The following IL15RA variants were observed in gnomAD, a reference collection of about 807,000 sequenced individuals.
The protein encoded by IL15RA is interleukin-15 receptor subunit alpha.
In IL15RA, 26 loss-of-function variants were observed where a neutral mutation model predicts 24.2. That is an observed-to-expected ratio of 1.07 (90% CI 0.79 to 1.49). The LOEUF (loss-of-function observed/expected upper bound fraction) is 1.49, where lower values mean the gene tolerates loss of function less well. Ranked by LOEUF, IL15RA falls within the 40% of genes most tolerant of loss-of-function variation. The pLI, the probability that IL15RA is intolerant of heterozygous loss-of-function variation, is 0.00. For missense variants in IL15RA, 354 were observed against 356.4 expected (o/e 0.99, Z 0.05); for synonymous variants, 166 against 157.6 (o/e 1.05, Z -0.40).
chr10:5,951,222 T>A (rs571464575), downstream of IL15RA, among the ~76,000 whole-genome samples: 1 of 142,738 alleles, frequency 7.0e-6, no homozygotes, highest in Non-Finnish European at 1.5e-5. Context: ...TCCCAGCTAC[T>A]CCAGAGGCTG....
intron 5 of IL15RA, among the ~76,000 whole-genome samples, chr10:5,957,066 T>G (rs1294033073): frequency 2.0e-5 from 3 of 151,654 alleles, no homozygotes; most frequent in Non-Finnish European, 4.4e-5. Flanking sequence ...CTCAAGTGAT[T>G]CTCCTGCCTC....
chr10:5,952,972 C>T lies in IL15RA; in HGVS notation c.*123G>A. The T allele has an allele frequency of 1.3e-6, 1 of 742,198 alleles. No individual in the cohort carries two copies. The highest frequency in any genetic ancestry group is 2.3e-6 in the Non-Finnish European group (1 of 428,604). 46.0% of individuals were successfully genotyped at this position (742,198 alleles called of 1,614,324 possible). The stretch of plus-strand genomic sequence containing the variant: ...GGCAGTCCGTGAGATCCTGCTGGGA[C>T]TTCTGAGAGGCCTGGTGAGCTTGCT... On this transcript the variant is annotated 3_prime_UTR_variant, in exon 7 of 7. Coordinates refer to ENST00000379977, the MANE Select transcript of IL15RA (RefSeq NM_002189.4).
rs1375972557 is a variant in IL15RA at position 5,964,971 on chromosome 10, G to C, written c.284-1130C>G. Among the ~76,000 whole-genome samples, 1 of 152,204 alleles carries C rather than the reference G, an allele frequency of 6.6e-6. No individual in the cohort carries two copies. The highest frequency in any genetic ancestry group is 1.5e-5 in the Non-Finnish European group (1 of 68,032). On this transcript the variant is annotated intron_variant, in intron 2 of 6. Coordinates refer to ENST00000379977, the MANE Select transcript of IL15RA (RefSeq NM_002189.4). This position sits in a 1 kb window ranked among gnomAD's most constrained non-coding sequence, Gnocchi z 5.6. Reference sequence around the variant, plus strand: ...CCTGTGTGACTCGCTCTGTTCTGGGGGAGGAGGCTGAGCTACCACTACCAA... The same window carrying C: ...CCTGTGTGACTCGCTCTGTTCTGGGCGAGGAGGCTGAGCTACCACTACCAA...
rs148036467 is a variant in IL15RA, at chr10:5,959,854, A to G, written c.584-68T>C. On this transcript the variant is annotated intron_variant, in intron 4 of 6. Transcript: ENST00000379977. The surrounding 1 kb of genome is among the most constrained non-coding windows in gnomAD (Gnocchi z 4.1). ...GTCCTAGTTCCTCATGAAGCAGGAG[A>G]AAATCTGCATGGCTTGGCTCCCATC... The G allele has an allele frequency of 2.2e-4, 333 of 1,484,910 alleles. 4 individuals are homozygous for G. The East Asian group carries it at 7.5e-3, about 33-fold the overall frequency. The allele number at this position is 1,484,910 out of a possible 1,614,324, so 92.0% of individuals were successfully genotyped here. A position where few individuals can be genotyped will look rare whatever the true frequency, so the allele number is the denominator to read the frequency against.
chr10:5,968,611 C>G lies in IL15RA; in HGVS notation c.89-2272G>C. ...ATGGTTACCTGCAGAGCCCCACTGG[C>G]TTTGAGGCCTCTGGTGCTATCTGGT... On this transcript the variant is annotated intron_variant, in intron 1 of 6. Transcript: ENST00000379977. The surrounding 1 kb of genome is among the most constrained non-coding windows in gnomAD (Gnocchi z 5.4). 1.7e-6 allele frequency: 1 copy of G among 596,184 alleles called. No individual in the cohort carries two copies. Among genetic ancestry groups the G allele is most frequent in the South Asian group, 2.0e-5 (1 of 49,316 alleles). 36.9% of individuals were successfully genotyped at this position (596,184 alleles called of 1,614,324 possible). A position where few individuals can be genotyped will look rare whatever the true frequency, so the allele number is the denominator to read the frequency against.
chr10:5,950,997 C>T (rs1431100741), downstream of IL15RA, among the ~76,000 whole-genome samples: 11 of 151,822 alleles, frequency 7.2e-5, no homozygotes, highest in African/African-American at 2.2e-4. The surrounding 1 kb of genome is among the most constrained non-coding windows in gnomAD (Gnocchi z 5.6). Flanking sequence ...AAAAATTAGG[C>T]GGGCATGGTG....
Position 5,953,360 on chromosome 10 carries a change from C to G in IL15RA, c.693-154G>C, listed in dbSNP as rs1471858952. ...GGAGTCAGACAGAGAGCACTTAGTC[C>G]TCAGAGATGGAGAGAACCTAGAATG... On this transcript the variant is annotated intron_variant, in intron 6 of 6. Coordinates refer to ENST00000379977, the MANE Select transcript of IL15RA (RefSeq NM_002189.4). This position sits in a 1 kb window ranked among gnomAD's most constrained non-coding sequence, Gnocchi z 5.3. 3 of 720,034 alleles carry G rather than the reference C, an allele frequency of 4.2e-6. No homozygotes were observed. In the East Asian group the frequency reaches 8.0e-5, roughly 19 times the overall value. 44.6% of individuals were successfully genotyped at this position (720,034 alleles called of 1,614,324 possible).
At chr10:5,950,452 G>A (rs1176755845), downstream of IL15RA, among the ~76,000 whole-genome samples, 1 of 152,150 alleles carries the variant, frequency 6.6e-6, no homozygotes, top group Non-Finnish European at 1.5e-5. The surrounding 1 kb of genome is among the most constrained non-coding windows in gnomAD (Gnocchi z 5.6). Flanking sequence ...GGCAGATGCT[G>A]ACCTCCTGGT....
chr10:5,973,159 C>T lies in IL15RA; in HGVS notation c.88+4246G>A, dbSNP rs1042461459. Among the ~76,000 whole-genome samples, 27 of 152,192 alleles carry T rather than the reference C, an allele frequency of 1.8e-4. No homozygotes were observed. The highest frequency in any genetic ancestry group is 6.5e-4 in the African/African-American group (27 of 41,448). On this transcript the variant is annotated intron_variant, in intron 1 of 6. Coordinates refer to ENST00000379977, the MANE Select transcript of IL15RA (RefSeq NM_002189.4). The surrounding 1 kb of genome is among the most constrained non-coding windows in gnomAD (Gnocchi z 4.5). The stretch of plus-strand genomic sequence containing the variant: ...CCTTCTACCCAACATAATGGACGCC[C>T]CTGCACATCAGGCCTTTTAAATAAG...
intron 1 of IL15RA, among the ~76,000 whole-genome samples, chr10:5,976,136 T>TA (rs1263795469): frequency 5.9e-5 from 9 of 152,280 alleles, no homozygotes; most frequent in African/African-American, 1.9e-4. Flanking sequence ...AGTTGCCAGC[T>TA]ATGGGGTCCT....
At position 5,968,427 on chromosome 10, in the gene IL15RA, G is replaced by A. The variant is rs548245963; in HGVS notation, c.89-2088C>T. 8.5e-5 allele frequency among the ~76,000 whole-genome samples: 13 copies of A among 152,320 alleles called. No individual in the cohort carries two copies. In the East Asian group the frequency reaches 2.3e-3, roughly 27 times the overall value. On this transcript the variant is annotated intron_variant, in intron 1 of 6. Transcript: ENST00000379977. This position sits in a 1 kb window ranked among gnomAD's most constrained non-coding sequence, Gnocchi z 5.4. The stretch of plus-strand genomic sequence containing the variant: ...TCCCAAAGCCTTCTCCTCTGTCACA[G>A]GGGCAGCGCTCTGCTCACTTCCTGT...
Position 5,975,600 on chromosome 10 carries a change from A to AC in IL15RA, c.88+1804dup, listed in dbSNP as rs1838311073. On this transcript the variant is annotated intron_variant, in intron 1 of 6. Transcript: ENST00000379977. The surrounding 1 kb of genome is among the most constrained non-coding windows in gnomAD (Gnocchi z 4.8). ...AATAAGGCTGTTAAAGGGAAAAAAAACAACGGCTGGGCAAGCTGGCTCACG... is the reference window on the plus strand; with the variant it reads ...AATAAGGCTGTTAAAGGGAAAAAAAACCAACGGCTGGGCAAGCTGGCTCACG... Among the ~76,000 whole-genome samples the AC allele has an allele frequency of 1.3e-5, 2 of 151,628 alleles. No individual in the cohort carries two copies. The highest frequency in any genetic ancestry group is 4.2e-4 in the South Asian group (2 of 4,802).
downstream of IL15RA, chr10:5,948,957 A>G (rs1473820827): frequency 1.2e-5 from 3 of 246,464 alleles, no homozygotes; most frequent in Non-Finnish European, 2.5e-5. Context: ...AATACAAATC[A>G]TATATAATGT....
chr10:5,966,256 T>G lies in IL15RA; in HGVS notation c.172A>C (p.Ile58Leu). Reference sequence around the variant, plus strand: ...TTACGCTTGAAACCAGAGTTACAAATGTACCGCTCCCTGGAGTACAAGCTG... The same window carrying G: ...TTACGCTTGAAACCAGAGTTACAAAGGTACCGCTCCCTGGAGTACAAGCTG... Reference protein sequence around the residue: ...SYSLYSRERYICNSGFKRKAG... With the variant: ...SYSLYSRERYLCNSGFKRKAG... The change falls in exon 2 of 7, where the codon ATT becomes CTT. Residue 58 changes from isoleucine (I) to leucine (L), a missense_variant. Transcript: ENST00000379977. This position sits in a 1 kb window ranked among gnomAD's most constrained non-coding sequence, Gnocchi z 6.4. 1 of 1,614,118 alleles carries G rather than the reference T, an allele frequency of 6.2e-7. No individual in the cohort carries two copies. Among genetic ancestry groups the G allele is most frequent in the Non-Finnish European group, 8.5e-7 (1 of 1,179,966 alleles).
rs1321527424 is a variant in IL15RA at position 5,971,015 on chromosome 10, A to C, written c.89-4676T>G. Among the ~76,000 whole-genome samples the C allele has an allele frequency of 6.6e-6, 1 of 152,120 alleles. No individual in the cohort carries two copies. Among genetic ancestry groups the C allele is most frequent in the African/African-American group, 2.4e-5 (1 of 41,424 alleles). On this transcript the variant is annotated intron_variant, in intron 1 of 6. Transcript: ENST00000379977. This position sits in a 1 kb window ranked among gnomAD's most constrained non-coding sequence, Gnocchi z 5.5. ...TCAAGCCGTCCTCCAGAGATAATACATTTAATTGAAGCAATAACTTCATTT... is the reference window on the plus strand; with the variant it reads ...TCAAGCCGTCCTCCAGAGATAATACCTTTAATTGAAGCAATAACTTCATTT...
In IL15RA at chr10:5,968,470, C is replaced by T. The variant is rs962347079; in HGVS notation, c.89-2131G>A. Reference sequence around the variant, plus strand: ...CTTCCTGTCTCAGGCATCTATTGTCCAGTGGCCGCCACTACTCCCCATTCC... The same window carrying T: ...CTTCCTGTCTCAGGCATCTATTGTCTAGTGGCCGCCACTACTCCCCATTCC... On this transcript the variant is annotated intron_variant, in intron 1 of 6. Coordinates refer to ENST00000379977, the MANE Select transcript of IL15RA (RefSeq NM_002189.4). The surrounding 1 kb of genome is among the most constrained non-coding windows in gnomAD (Gnocchi z 5.4). 5.7e-6 allele frequency: 2 copies of T among 352,734 alleles called. No individual in the cohort carries two copies. Among genetic ancestry groups the T allele is most frequent in the Non-Finnish European group, 1.1e-5 (2 of 188,794 alleles). The allele number at this position is 352,734 out of a possible 1,614,324, so 21.9% of individuals were successfully genotyped here.
chr10:5,966,328 G>T lies in IL15RA; in HGVS notation c.100C>A (p.Pro34Thr). 1.2e-6 allele frequency: 2 copies of T among 1,606,348 alleles called. No homozygotes were observed. The highest frequency in any genetic ancestry group is 1.7e-6 in the Non-Finnish European group (2 of 1,173,400). ...GCGTGTTCCACGGACATGGGGGGAG[G>T]GCACGTGATGCCTGCGAAAGTGCAG... ...RPPATRGITC[P>T]PPMSVEHADI... Residue 34 changes from proline (P) to threonine (T), a missense_variant, in exon 2 of 7, where the codon CCT becomes ACT. Pro to Thr is a conservative substitution (Grantham distance 38, BLOSUM62 -1). Transcript: ENST00000379977. This position sits in a 1 kb window ranked among gnomAD's most constrained non-coding sequence, Gnocchi z 6.4.
At position 5,961,561 on chromosome 10, in the gene IL15RA, C is replaced by T. The variant is rs952069124; in HGVS notation, c.383-994G>A. On this transcript the variant is annotated intron_variant, in intron 3 of 6. Transcript: ENST00000379977. This position sits in a 1 kb window ranked among gnomAD's most constrained non-coding sequence, Gnocchi z 5.2. ...GCTCGGAGCGGCTGCGTGTGAAACA[C>T]GGGAAGCCTGGGCTCTGGCCTGAAC... is the stretch of plus-strand genomic sequence containing the variant. 1.3e-5 allele frequency among the ~76,000 whole-genome samples: 2 copies of T among 152,248 alleles called. No homozygotes were observed. The highest frequency in any genetic ancestry group is 2.4e-5 in the African/African-American group (1 of 41,472).
In IL15RA at chr10:5,964,897, T is replaced by A. The variant is rs994280109; in HGVS notation, c.284-1056A>T. 2.6e-5 allele frequency among the ~76,000 whole-genome samples: 4 copies of A among 152,122 alleles called. No homozygotes were observed. Among genetic ancestry groups the A allele is most frequent in the African/African-American group, 9.7e-5 (4 of 41,410 alleles). The stretch of plus-strand genomic sequence containing the variant: ...CACGGGGTGCTGTGTCCCCAGCGAG[T>A]GATTTCTTGGAACAAGTCGGAGGCT... On this transcript the variant is annotated intron_variant, in intron 2 of 6. Coordinates refer to ENST00000379977, the MANE Select transcript of IL15RA (RefSeq NM_002189.4). The surrounding 1 kb of genome is among the most constrained non-coding windows in gnomAD (Gnocchi z 5.6).
Sources: gnomAD v4.1 joint callset for allele counts (sites outside exome capture counted in the v4.1 genomes callset) on GRCh38, gnomAD v4.1.1 for gene constraint, Gnocchi (gnomAD v3.1) non-coding constraint, MANE v1.5 for transcripts, NCBI Gene and HGNC (gene_info 2026-07-23, HGNC 2026-07-21) for gene names.